Variants in SNX29 observed in about 807,000 individuals in gnomAD.
SNX29 encodes sorting nexin 29.
Under a neutral mutation model 102.1 loss-of-function variants are expected in SNX29, and 78 were observed. The ratio of observed to expected loss-of-function variants is 0.76; its 90% confidence interval spans 0.64 to 0.92. The LOEUF (loss-of-function observed/expected upper bound fraction) is 0.92, where lower values mean the gene tolerates loss of function less well. Among genes scored for constraint, SNX29 ranks in the 40% least tolerant of loss-of-function variants. SNX29 has a pLI of 0.00. For synonymous variants in SNX29, 580 were observed against 414.5 expected (o/e 1.40, Z -4.85); for missense variants, 1,280 against 1,061.7 (o/e 1.21, Z -2.86).
chr16:12,267,968 C>A (rs11075058), intron 14 of SNX29, among the ~76,000 whole-genome samples: 12 of 152,058 alleles, frequency 7.9e-5, no homozygotes, highest in Non-Finnish European at 1.5e-4. Context: ...CACATGGGGC[C>A]TCCTCACTGT....
At chr16:12,042,786 A>T in intron 4 of SNX29, 111 bp from the exon 5 acceptor site, 1 of 1,093,620 alleles carries the variant, frequency 9.1e-7, no homozygotes, top group Non-Finnish European at 1.3e-6. Context: ...TTTCCATGCT[A>T]AGGGGATACT....
At chr16:12,262,571 C>T (rs773349455) in intron 14 of SNX29, among the ~76,000 whole-genome samples, 2 of 152,138 alleles carry the variant, frequency 1.3e-5, no homozygotes, top group Non-Finnish European at 2.9e-5. Flanking sequence ...TGTACACCGG[C>T]GGGATGAGAG....
intron 19 of SNX29, among the ~76,000 whole-genome samples, chr16:12,489,636 T>C (rs1043867024): frequency 6.6e-6 from 1 of 152,206 alleles, no homozygotes; most frequent in African/African-American, 2.4e-5. Flanking sequence ...GGTGTGTCCT[T>C]AGCCCTCAAA....
At chr16:12,542,533 C>T (rs539237685) in intron 20 of SNX29, among the ~76,000 whole-genome samples, 38 of 152,274 alleles carry the variant, frequency 2.5e-4, no homozygotes, top group African/African-American at 8.7e-4. Context: ...GGTTTCACCA[C>T]GTTGGCCAGG....
At chr16:12,031,424 A>G (rs1225793698) in intron 4 of SNX29, among the ~76,000 whole-genome samples, 2 of 151,534 alleles carry the variant, frequency 1.3e-5, no homozygotes, top group African/African-American at 2.4e-5. Context: ...GAAACTCTTC[A>G]AGTCTGGCAG....
intron 20 of SNX29, among the ~76,000 whole-genome samples, chr16:12,538,309 A>G (rs544576628): frequency 8.9e-4 from 135 of 152,118 alleles, no homozygotes; most frequent in Non-Finnish European, 1.7e-3. Context: ...TTTAGTAGAG[A>G]GGGGGTTTCA....
chr16:12,398,536 T>A, intron 17 of SNX29, 35 bp downstream of exon 17: 1 of 1,612,484 alleles, frequency 6.2e-7, no homozygotes, highest in Non-Finnish European at 8.5e-7. Flanking sequence ...AGGGGTCCTT[T>A]AGAAACTGGA....
At chr16:12,138,554 A>C (rs1469813126) in intron 13 of SNX29, among the ~76,000 whole-genome samples, 3 of 152,092 alleles carry the variant, frequency 2.0e-5, no homozygotes, top group Admixed American at 2.0e-4. Context: ...GTTTGGTAAA[A>C]GAAACATGCT....
rs913193744 is a variant in SNX29, at chr16:12,572,710, C to T, written c.*4081C>T. The stretch of plus-strand genomic sequence containing the variant: ...CCTGCACTCCAGCAGCATCTTCCAG[C>T]CTTGGCACAGAACTGATGGCAAAGG... On this transcript the variant is annotated 3_prime_UTR_variant, in exon 21 of 21. Transcript: ENST00000566228. 7 of 1,063,740 alleles carry T rather than the reference C, an allele frequency of 6.6e-6. No homozygotes were observed. The highest frequency in any genetic ancestry group is 1.6e-5 in the African/African-American group (1 of 60,958). The allele number at this position is 1,063,740 out of a possible 1,614,324, so 65.9% of individuals were successfully genotyped here. A position where few individuals can be genotyped will look rare whatever the true frequency, so the allele number is the denominator to read the frequency against.
intron 10 of SNX29, among the ~76,000 whole-genome samples, chr16:12,069,760 G>A (rs908837726): frequency 1.3e-5 from 2 of 152,048 alleles, no homozygotes; most frequent in African/African-American, 4.8e-5. Flanking sequence ...GCGCAATCTC[G>A]GCTCACCGCA....
At chr16:12,545,748 C>T (rs898383269) in intron 20 of SNX29, 1 of 152,162 alleles carries the variant, frequency 6.6e-6, no homozygotes, top group African/African-American at 2.4e-5. Flanking sequence ...CAGATTTTAA[C>T]CTGAGATGGA....
intron 19 of SNX29, among the ~76,000 whole-genome samples, chr16:12,491,743 T>C (rs1230762228): frequency 6.6e-6 from 1 of 152,028 alleles, no homozygotes; most frequent in Non-Finnish European, 1.5e-5. Flanking sequence ...TGTGTTCTCA[T>C]TGTTCAATTC....
At chr16:12,559,813 T>C (rs1366272555) in intron 20 of SNX29, among the ~76,000 whole-genome samples, 1 of 152,164 alleles carries the variant, frequency 6.6e-6, no homozygotes, top group Non-Finnish European at 1.5e-5. Context: ...TCCAGGCCAT[T>C]TCCATCATCA....
At chr16:12,280,649 T>C (rs2079402430) in intron 15 of SNX29, among the ~76,000 whole-genome samples, 1 of 152,202 alleles carries the variant, frequency 6.6e-6, no homozygotes, top group Non-Finnish European at 1.5e-5. Flanking sequence ...GATTTTTCCT[T>C]CTTTTTTGGT....
chr16:12,572,682 A>AG lies in SNX29; in HGVS notation c.*4054dup. ...TGAGCTGCAGCACCCACACGGGGGA[A>AG]GCCCTGCACTCCAGCAGCATCTTCC... On this transcript the variant is annotated 3_prime_UTR_variant, in exon 21 of 21. Coordinates refer to ENST00000566228, the MANE Select transcript of SNX29 (RefSeq NM_032167.5). 1 of 1,063,366 alleles carries AG rather than the reference A, an allele frequency of 9.4e-7. No homozygotes were observed. Among genetic ancestry groups the AG allele is most frequent in the African/African-American group, 1.6e-5 (1 of 61,024 alleles). The allele number at this position is 1,063,366 out of a possible 1,614,324, so 65.9% of individuals were successfully genotyped here. A position where few individuals can be genotyped will look rare whatever the true frequency, so the allele number is the denominator to read the frequency against.
Position 12,319,636 on chromosome 16 carries a change from G to A in SNX29, c.1783-36527G>A, listed in dbSNP as rs1277879628. 3.3e-5 allele frequency among the ~76,000 whole-genome samples: 5 copies of A among 152,186 alleles called. No homozygotes were observed. The East Asian group carries it at 9.6e-4, about 29-fold the overall frequency. ...AATCATCCTGGCAAGGAGTGAGGTAGTGATGAGGAGGGCTGGTTTCACAGA... is the reference window on the plus strand; with the variant it reads ...AATCATCCTGGCAAGGAGTGAGGTAATGATGAGGAGGGCTGGTTTCACAGA... On this transcript the variant is annotated intron_variant, in intron 15 of 20. Coordinates refer to ENST00000566228, the MANE Select transcript of SNX29 (RefSeq NM_032167.5).
rs1175056631 is a variant in SNX29, at chr16:12,538,436, G to C, written c.2318+13595G>C. Among the ~76,000 whole-genome samples, 3 of 152,178 alleles carry C rather than the reference G, an allele frequency of 2.0e-5. No homozygotes were observed. In the East Asian group the frequency reaches 5.8e-4, roughly 29 times the overall value. ...ATGTCTGGGAGTAATAACTGAGAAT[G>C]GTTACTTGGTTTGGTTATCACGTAT... On this transcript the variant is annotated intron_variant, in intron 20 of 20. Transcript: ENST00000566228.
chr16:12,343,148 G>A (rs1055765770), intron 15 of SNX29, among the ~76,000 whole-genome samples: 4 of 152,166 alleles, frequency 2.6e-5, no homozygotes, highest in Non-Finnish European at 4.4e-5. Context: ...GATTAAAAAC[G>A]CACACCAGCC....
At chr16:12,528,790 C>A (rs370547072) in intron 20 of SNX29, among the ~76,000 whole-genome samples, 28 of 152,358 alleles carry the variant, frequency 1.8e-4, no homozygotes, top group African/African-American at 6.5e-4. Context: ...GGTTTGCACA[C>A]TGTGCCACTG....
Sources: gnomAD v4.1 joint callset for allele counts (sites outside exome capture counted in the v4.1 genomes callset) on GRCh38, gnomAD v4.1.1 for gene constraint, MANE v1.5 for transcripts, NCBI Gene and HGNC (gene_info 2026-07-23, HGNC 2026-07-21) for gene names.